SCN2A: variants seen among roughly 807,000 people sequenced by gnomAD.
SCN2A encodes sodium channel protein type 2 subunit alpha.
A neutral mutation model predicts 188.7 loss-of-function variants in SCN2A; 20 were observed. That is an observed-to-expected ratio of 0.11 (90% CI 0.07 to 0.15). SCN2A has a LOEUF of 0.15. Among genes scored for constraint, SCN2A ranks in the 10% least tolerant of loss-of-function variants. SCN2A has a pLI of 1.00. For missense variants in SCN2A, 1,278 were observed against 2,445.0 expected, an observed-to-expected ratio of 0.52 and a Z score of 10.07; for synonymous variants, 804 against 833.1, an observed-to-expected ratio of 0.97 and a Z score of 0.60.
intron 1 of SCN2A, among the ~76,000 whole-genome samples, chr2:165,258,512 G>T (rs114448080): frequency 3.3e-5 from 5 of 152,262 alleles, no homozygotes; most frequent in Admixed American, 6.5e-5. Flanking sequence ...AGCAATTATG[G>T]AAAACAGTGT....
chr2:165,341,045 A>G (rs1699280620), intron 14 of SCN2A, among the ~76,000 whole-genome samples: 1 of 152,100 alleles, frequency 6.6e-6, no homozygotes, highest in African/African-American at 2.4e-5. Context: ...GGGGAAATAG[A>G]GTGCAAGGAG....
chr2:165,374,979 T>C lies in SCN2A; in HGVS notation c.4254+13T>C, dbSNP rs1322682197. ...TCTACTTCAAGTAGTAAGTAATCAC[T>C]TTATTATTTTCCATGATGTGTAATT... On this transcript the variant is annotated intron_variant, in intron 22 of 26. Coordinates refer to ENST00000375437, the MANE Select transcript of SCN2A (RefSeq NM_001040142.2). 6.2e-7 allele frequency: 1 copy of C among 1,608,512 alleles called. No homozygotes were observed. The highest frequency in any genetic ancestry group is 8.5e-7 in the Non-Finnish European group (1 of 1,175,738).
chr2:165,287,231 C>T (rs1310220595), intron 1 of SCN2A, among the ~76,000 whole-genome samples: 1 of 152,178 alleles, frequency 6.6e-6, no homozygotes, highest in Non-Finnish European at 1.5e-5. Context: ...CTAGTTATGG[C>T]CTGGTTACGG....
At chr2:165,380,463 A>C in intron 23 of SCN2A, 129 bp from the exon 24 acceptor site, 1 of 676,468 alleles carries the variant, frequency 1.5e-6, no homozygotes, top group South Asian at 1.9e-5. Context: ...AGGTTCATAA[A>C]ATCTGTTTAG....
At chr2:165,250,627 A>T (rs1175256126) in intron 1 of SCN2A, among the ~76,000 whole-genome samples, 1 of 151,924 alleles carries the variant, frequency 6.6e-6, no homozygotes. Context: ...TTAACCAACA[A>T]TAGTCACACG....
intron 1 of SCN2A, among the ~76,000 whole-genome samples, chr2:165,263,572 G>T (rs1694702079): frequency 6.6e-6 from 1 of 151,914 alleles, no homozygotes; most frequent in Non-Finnish European, 1.5e-5. Flanking sequence ...CTGTCCCATT[G>T]GTCTATATGC....
At chr2:165,247,911 C>T (rs1232702914) in intron 1 of SCN2A, among the ~76,000 whole-genome samples, 1 of 152,114 alleles carries the variant, frequency 6.6e-6, no homozygotes, top group East Asian at 1.9e-4. Context: ...CCTCGCTTTC[C>T]CCACCTTACT....
chr2:165,340,938 G>A (rs1336679525), intron 14 of SCN2A, among the ~76,000 whole-genome samples: 3 of 152,180 alleles, frequency 2.0e-5, no homozygotes, highest in African/African-American at 7.2e-5. Flanking sequence ...GTGGGTTGTG[G>A]AGTAAGGTGA....
chr2:165,290,905 G>A (rs1696066797), intron 1 of SCN2A: 1 of 399,682 alleles, frequency 2.5e-6, no homozygotes, highest in Admixed American at 6.4e-5. Flanking sequence ...CAAATATGAT[G>A]AGAATGTGAC....
rs777237813 is a variant in SCN2A at position 165,309,136 on chromosome 2, T to C, written c.606-216T>C. The stretch of plus-strand genomic sequence containing the variant: ...CAAGGAAGACGTAGATTTCCCTAAA[T>C]TCTGAATAACTCTGATTTAATTCTA... On this transcript the variant is annotated intron_variant, in intron 5 of 26. Transcript: ENST00000375437. 4.3e-6 allele frequency: 7 copies of C among 1,609,800 alleles called. 1 individual carries two copies. The South Asian group carries it at 7.7e-5, about 18-fold the overall frequency.
intron 17 of SCN2A, among the ~76,000 whole-genome samples, chr2:165,360,318 A>G (rs909093637): frequency 6.6e-6 from 1 of 152,028 alleles, no homozygotes; most frequent in African/African-American, 2.4e-5. Context: ...AAGAAAAACT[A>G]TTCATCTGGC....
intron 22 of SCN2A, 37 bp from the exon 23 acceptor site, chr2:165,377,560 T>G: frequency 1.3e-6 from 2 of 1,547,544 alleles, no homozygotes; most frequent in Non-Finnish European, 1.8e-6. Context: ...AAATTATAAT[T>G]TTGGGAAAAA....
At chr2:165,387,180 A>G (rs1330547536) in intron 26 of SCN2A, among the ~76,000 whole-genome samples, 164 bp downstream of exon 26, 1 of 152,222 alleles carries the variant, frequency 6.6e-6, no homozygotes, top group African/African-American at 2.4e-5. Flanking sequence ...CTCTAATTGC[A>G]TGCTGTGCTT....
intron 26 of SCN2A, among the ~76,000 whole-genome samples, chr2:165,387,474 T>G (rs533436463): frequency 6.6e-6 from 1 of 152,150 alleles, no homozygotes; most frequent in African/African-American, 2.4e-5. Context: ...ATAACACATA[T>G]ATAAGTTTCA....
chr2:165,326,995 A>C lies in SCN2A; in HGVS notation c.2149+11A>C. 5 of 1,613,890 alleles carry C rather than the reference A, an allele frequency of 3.1e-6. No homozygotes were observed. The highest frequency in any genetic ancestry group is 4.2e-6 in the Non-Finnish European group (5 of 1,179,828). On this transcript the variant is annotated intron_variant, in intron 13 of 26. Coordinates refer to ENST00000375437, the MANE Select transcript of SCN2A (RefSeq NM_001040142.2). Reference sequence around the variant, plus strand: ...CCAACACCATGGAAGGTATGTTAAAAGTCCTGCGTCACAGTTACTTGGTGC... The same window carrying C: ...CCAACACCATGGAAGGTATGTTAAACGTCCTGCGTCACAGTTACTTGGTGC...
intron 14 of SCN2A, among the ~76,000 whole-genome samples, chr2:165,336,006 C>T (rs1194815470): frequency 5.9e-5 from 9 of 152,008 alleles, no homozygotes; most frequent in African/African-American, 2.2e-4. Context: ...GTCAGCGTCA[C>T]TGGCTAATTT....
chr2:165,372,359 A>T (rs1249896632), intron 20 of SCN2A: 2 of 152,118 alleles, frequency 1.3e-5, no homozygotes, highest in Non-Finnish European at 2.9e-5. Context: ...TTCCTTAAAA[A>T]ATATATTTTT....
At position 165,380,119 on chromosome 2, in the gene SCN2A, TATTTATATGTTA is replaced by T. The variant is rs563203140; in HGVS notation, c.4309-470_4309-459del. Among the ~76,000 whole-genome samples, 1,308 of 151,990 alleles carry T rather than the reference TATTTATATGTTA, an allele frequency of 8.6e-3. 19 individuals carry two copies. Among genetic ancestry groups the T allele is most frequent in the African/African-American group, 0.028 (1,173 of 41,532 alleles). ...CTACTGGCCGCCACTGTTCTAAGCATATTTATATGTTAATATAGTTAATCTTCACAACCACAC... is the reference window on the plus strand; with the variant it reads ...CTACTGGCCGCCACTGTTCTAAGCATATATAGTTAATCTTCACAACCACAC... On this transcript the variant is annotated intron_variant, in intron 23 of 26. Coordinates refer to ENST00000375437, the MANE Select transcript of SCN2A (RefSeq NM_001040142.2).
At chr2:165,329,676 C>G in intron 13 of SCN2A, among the ~76,000 whole-genome samples, 1 of 152,014 alleles carries the variant, frequency 6.6e-6, no homozygotes, top group East Asian at 1.9e-4. Context: ...AAAGAAAAAA[C>G]CATATTATGG....
Sources: gnomAD v4.1 joint callset for allele counts (sites outside exome capture counted in the v4.1 genomes callset) on GRCh38, gnomAD v4.1.1 for gene constraint, MANE v1.5 for transcripts, NCBI Gene and HGNC (gene_info 2026-07-23, HGNC 2026-07-21) for gene names.